YTHDF2: variants seen among roughly 807,000 people sequenced by gnomAD.
YTHDF2 encodes YTH N6-methyladenosine RNA binding protein F2.
In YTHDF2, 2 loss-of-function variants were observed where a neutral mutation model predicts 50.4. The ratio of observed to expected loss-of-function variants is 0.04; its 90% CI spans 0.02 to 0.12. YTHDF2 has a LOEUF of 0.12. Among genes scored for constraint, YTHDF2 ranks in the 10% least tolerant of loss-of-function variants. YTHDF2 has a pLI of 1.00. For synonymous variants in YTHDF2, 217 were observed against 255.6 expected, an observed-to-expected ratio of 0.85 and a Z score of 1.44; for missense variants, 483 against 722.6, an observed-to-expected ratio of 0.67 and a Z score of 3.80.
intron 4 of YTHDF2, among the ~76,000 whole-genome samples, chr1:28,755,858 C>T (rs189126953): frequency 3.5e-4 from 53 of 152,190 alleles, no homozygotes; most frequent in African/African-American, 1.2e-3. Context: ...TATGTATCTA[C>T]AAATATTCAA....
chr1:28,739,789 A>G (rs1338168767), intron 3 of YTHDF2, among the ~76,000 whole-genome samples: 1 of 152,226 alleles, frequency 6.6e-6, no homozygotes, highest in African/African-American at 2.4e-5. Flanking sequence ...TCAAATACTA[A>G]TATGACCTGT....
At chr1:28,749,862 G>T (rs1214248173) in intron 4 of YTHDF2, among the ~76,000 whole-genome samples, 3 of 151,814 alleles carry the variant, frequency 2.0e-5, no homozygotes. Context: ...AAGTGTGATT[G>T]TGGTGGCAAC....
intron 4 of YTHDF2, among the ~76,000 whole-genome samples, chr1:28,764,696 C>T (rs548013206): frequency 1.3e-5 from 2 of 151,918 alleles, no homozygotes; most frequent in Non-Finnish European, 2.9e-5. Flanking sequence ...CGTGGGCCAT[C>T]GTGCCTGGCC....
At chr1:28,740,172 A>G (rs2124626803) in intron 3 of YTHDF2, 1 of 152,352 alleles carries the variant, frequency 6.6e-6, no homozygotes, top group African/African-American at 2.4e-5. Flanking sequence ...AAGTAGAGGA[A>G]TGAACTATTA....
intron 3 of YTHDF2, among the ~76,000 whole-genome samples, chr1:28,740,945 C>T (rs2087766589): frequency 6.6e-6 from 1 of 151,764 alleles, no homozygotes; most frequent in Non-Finnish European, 1.5e-5. Flanking sequence ...ACCTCGTGAT[C>T]CTCCCACCTT....
chr1:28,737,329 C>T (rs1235178351), intron 1 of YTHDF2, 182 bp downstream of exon 1: 2 of 785,192 alleles, frequency 2.5e-6, no homozygotes, highest in Non-Finnish European at 3.8e-6. Flanking sequence ...CTTCCCGCTT[C>T]TCCTCGGGCC....
chr1:28,738,762 G>A (rs1175485772), intron 3 of YTHDF2, among the ~76,000 whole-genome samples: 1 of 152,112 alleles, frequency 6.6e-6, no homozygotes, highest in African/African-American at 2.4e-5. Context: ...CTTAATACCT[G>A]TATTTTTTCT....
At chr1:28,754,002 C>T (rs528684840) in intron 4 of YTHDF2, among the ~76,000 whole-genome samples, 46 of 152,198 alleles carry the variant, frequency 3.0e-4, no homozygotes, top group African/African-American at 1.0e-3. Context: ...CCACTGCGCT[C>T]GGCCTAGGAT....
At chr1:28,737,359 C>A in intron 1 of YTHDF2, 2 of 662,072 alleles carry the variant, frequency 3.0e-6, no homozygotes, top group African/African-American at 1.9e-5. Flanking sequence ...ACGGGCCGGG[C>A]CGCGCCGCGT....
chr1:28,737,499 C>G (rs753009678), intron 1 of YTHDF2, 159 bp from the exon 2 acceptor site: 1 of 1,025,490 alleles, frequency 9.8e-7, no homozygotes, highest in African/African-American at 1.7e-5. Flanking sequence ...GGCGCTTTCC[C>G]CCGCCTCCCA....
chr1:28,768,582 A>G (rs1419101192), intron 4 of YTHDF2, among the ~76,000 whole-genome samples: 2 of 152,094 alleles, frequency 1.3e-5, no homozygotes, highest in East Asian at 1.9e-4. Context: ...CTAGTGTACT[A>G]TGTATGTATG....
intron 3 of YTHDF2, chr1:28,739,336 G>A (rs1434036647): frequency 1.4e-5 from 2 of 143,776 alleles, no homozygotes; most frequent in Non-Finnish European, 1.5e-5. Context: ...TTTTTGAGAC[G>A]TAGTGTCAAC....
chr1:28,762,393 A>G (rs1315673807), intron 4 of YTHDF2, among the ~76,000 whole-genome samples: 1 of 152,188 alleles, frequency 6.6e-6, no homozygotes, highest in African/African-American at 2.4e-5. Flanking sequence ...CTCTGTCTCA[A>G]AGAATTTTAG....
rs750496731 is a variant in YTHDF2, at chr1:28,743,662, T to C, written c.1392T>C (p.Ser464=). 1.9e-6 allele frequency: 3 copies of C among 1,614,224 alleles called. No homozygotes were observed. The highest frequency in any genetic ancestry group is 2.5e-6 in the Non-Finnish European group (3 of 1,180,044). The change falls in exon 4 of 5, where the codon AGT becomes AGC. Residue 464 remains serine (S), a synonymous_variant. Transcript: ENST00000373812. This position sits in a 1 kb window ranked among gnomAD's most constrained non-coding sequence, Gnocchi z 6.9. ...ACTTACTTTTCAGTGTCAACGGCAG[T>C]GGACACTTCTGTGGCGTGGCAGAAA... ...PVYLLFSVNG[S]GHFCGVAEMK... is the part of the protein sequence containing the mutation.
chr1:28,746,289 C>T (rs2087859374), intron 4 of YTHDF2, among the ~76,000 whole-genome samples: 1 of 152,086 alleles, frequency 6.6e-6, no homozygotes, highest in African/African-American at 2.4e-5. Flanking sequence ...TTCTGTCCTA[C>T]ATCTTGTGAT....
At chr1:28,750,977 C>T (rs2087942493) in intron 4 of YTHDF2, among the ~76,000 whole-genome samples, 1 of 150,054 alleles carries the variant, frequency 6.7e-6, no homozygotes, top group Non-Finnish European at 1.5e-5. Flanking sequence ...CCTGTAATAC[C>T]AGCTAGTTAG....
intron 4 of YTHDF2, among the ~76,000 whole-genome samples, chr1:28,763,055 G>GA (rs1191107254): frequency 6.6e-6 from 1 of 152,074 alleles, no homozygotes; most frequent in East Asian, 1.9e-4. Flanking sequence ...TTGAGCTACT[G>GA]ACCTCAAGTG....
rs753436207 is a variant in YTHDF2, at chr1:28,742,779, C to T, written c.509C>T (p.Ala170Val). The part of the protein sequence containing the change: ...LGGAMIDGQS[A>V]FANETLNKAP... ...GGAGCCATGATTGATGGACAGTCAGCTTTTGCCAATGAGACCCTCAATAAG... is the reference window on the plus strand; with the variant it reads ...GGAGCCATGATTGATGGACAGTCAGTTTTTGCCAATGAGACCCTCAATAAG... Residue 170 changes from alanine to valine, a missense_variant, in exon 4 of 5, where the codon GCT becomes GTT. Ala to Val is a moderately conservative substitution (Grantham distance 64). Coordinates refer to ENST00000373812, the MANE Select transcript of YTHDF2 (RefSeq NM_016258.3). 1 of 1,614,178 alleles carries T rather than the reference C, an allele frequency of 6.2e-7. No individual in the cohort carries two copies. The highest frequency in any genetic ancestry group is 8.5e-7 in the Non-Finnish European group (1 of 1,180,038).
chr1:28,752,386 T>A (rs1200120499), intron 4 of YTHDF2, among the ~76,000 whole-genome samples: 3 of 152,106 alleles, frequency 2.0e-5, no homozygotes, highest in Non-Finnish European at 4.4e-5. Context: ...CACTGTGTCC[T>A]CCACCTCCCG....
Sources: gnomAD v4.1 joint callset for allele counts (sites outside exome capture counted in the v4.1 genomes callset) on GRCh38, gnomAD v4.1.1 for gene constraint, Gnocchi (gnomAD v3.1) non-coding constraint, MANE v1.5 for transcripts, NCBI Gene and HGNC (gene_info 2026-07-23, HGNC 2026-07-21) for gene names.